The following FRMD6 variants were observed in gnomAD, a reference collection of about 807,000 sequenced individuals.
FRMD6 encodes the protein FERM domain-containing protein 6.
In FRMD6, 37 loss-of-function variants were observed where a neutral mutation model predicts 73.2. The observed-to-expected ratio is 0.51, with a 90% CI of 0.39 to 0.66. The LOEUF is 0.66. Among genes scored for constraint, FRMD6 ranks in the 30% least tolerant of loss-of-function variants. FRMD6 has a pLI of 0.00. For synonymous variants in FRMD6, 273 were observed against 282.2 expected (o/e 0.97, Z 0.33); for missense variants, 714 against 780.5 (o/e 0.91, Z 1.02).
intron 1 of FRMD6, among the ~76,000 whole-genome samples, chr14:51,549,664 C>G (rs1886689239): frequency 7.7e-6 from 1 of 129,590 alleles, no homozygotes; most frequent in Non-Finnish European, 1.6e-5. Flanking sequence ...GGCGCACTCT[C>G]AGCTCACTGC....
At chr14:51,531,666 C>T (rs570447402) in intron 1 of FRMD6, among the ~76,000 whole-genome samples, 31 of 152,286 alleles carry the variant, frequency 2.0e-4, no homozygotes, top group Non-Finnish European at 4.0e-4. Context: ...ATATTCTTCC[C>T]GTACTCAACA....
chr14:51,537,808 CT>C (rs1210095029), intron 1 of FRMD6, among the ~76,000 whole-genome samples: 1 of 152,144 alleles, frequency 6.6e-6, no homozygotes, highest in African/African-American at 2.4e-5. Context: ...TGTACATCTT[CT>C]TTGGTGTGGT....
At chr14:51,583,352 A>G (rs1194127406) in intron 2 of FRMD6, among the ~76,000 whole-genome samples, 1 of 152,206 alleles carries the variant, frequency 6.6e-6, no homozygotes, top group Non-Finnish European at 1.5e-5. Flanking sequence ...AATGCTTTGA[A>G]TTCCCTTGCC....
At chr14:51,516,687 C>T (rs969722029) in intron 1 of FRMD6, among the ~76,000 whole-genome samples, 1 of 152,060 alleles carries the variant, frequency 6.6e-6, no homozygotes, top group Non-Finnish European at 1.5e-5. Flanking sequence ...CTCAAATAAA[C>T]GTAAAAAGCT....
intron 1 of FRMD6, among the ~76,000 whole-genome samples, chr14:51,515,914 C>T (rs568508760): frequency 6.6e-6 from 1 of 152,156 alleles, no homozygotes; most frequent in Non-Finnish European, 1.5e-5. Context: ...TTTAGAAAAG[C>T]AGGGCTTTAA....
At chr14:51,483,927 G>C in the FRMD6 span, among the ~76,000 whole-genome samples, 1 of 152,116 alleles carries the variant, frequency 6.6e-6, no homozygotes, top group Non-Finnish European at 1.5e-5. Flanking sequence ...TAAAACTGAG[G>C]CTTGCAGAGA....
At chr14:51,420,280 T>C in the FRMD6 span, among the ~76,000 whole-genome samples, 2 of 152,198 alleles carry the variant, frequency 1.3e-5, no homozygotes, top group Non-Finnish European at 2.9e-5. Context: ...TATGAACTAA[T>C]GCAAGACGTG....
intron 2 of FRMD6, among the ~76,000 whole-genome samples, chr14:51,695,075 C>T (rs1020923034): frequency 6.7e-6 from 1 of 150,254 alleles, no homozygotes; most frequent in Non-Finnish European, 1.5e-5. Flanking sequence ...TCTACAGTCA[C>T]ACGAGCCTAA....
chr14:51,542,684 GA>G (rs1886264443), intron 1 of FRMD6, among the ~76,000 whole-genome samples: 1 of 152,008 alleles, frequency 6.6e-6, no homozygotes, highest in Admixed American at 6.6e-5. Flanking sequence ...CCTTATTAAA[GA>G]AATGCCAAAC....
the FRMD6 span, among the ~76,000 whole-genome samples, chr14:51,455,807 A>G: frequency 6.6e-5 from 10 of 152,206 alleles, no homozygotes; most frequent in African/African-American, 1.2e-4. Flanking sequence ...AGGGAGAGGT[A>G]AGGGAATTGG....
intron 2 of FRMD6, among the ~76,000 whole-genome samples, chr14:51,591,398 T>C (rs1180514231): frequency 6.6e-6 from 1 of 152,112 alleles, no homozygotes; most frequent in East Asian, 1.9e-4. Flanking sequence ...AGTATGACAA[T>C]TTGCAAAAAA....
the FRMD6 span, among the ~76,000 whole-genome samples, chr14:51,469,532 G>A: frequency 4.1e-5 from 6 of 146,546 alleles, no homozygotes; most frequent in Admixed American, 6.9e-5. Context: ...AGAATGGCGT[G>A]AACCCGGGAG....
intron 10 of FRMD6, among the ~76,000 whole-genome samples, chr14:51,718,321 A>C (rs1029356121): frequency 6.6e-6 from 1 of 152,212 alleles, no homozygotes; most frequent in Non-Finnish European, 1.5e-5. Flanking sequence ...ATACTAGTGA[A>C]TATAGAGGAA....
chr14:51,429,250 T>C, the FRMD6 span, among the ~76,000 whole-genome samples: 1 of 152,190 alleles, frequency 6.6e-6, no homozygotes, highest in Non-Finnish European at 1.5e-5. Context: ...GGTTAAGACT[T>C]GCTCCAATTC....
In FRMD6 at chr14:51,723,585, A is replaced by T. The variant is rs1438889757; in HGVS notation, c.1492+1505A>T. ...CACCTGAGGTCAGGAGTTGGAGATC[A>T]GCCTGGCCAACGTGGTGAAACCCCA... On this transcript the variant is annotated intron_variant, in intron 12 of 13. Transcript: ENST00000344768. Among the ~76,000 whole-genome samples, 3 of 152,212 alleles carry T rather than the reference A, an allele frequency of 2.0e-5. No homozygotes were observed. The East Asian group carries it at 5.8e-4, about 29-fold the overall frequency.
intron 1 of FRMD6, among the ~76,000 whole-genome samples, chr14:51,652,969 G>GTAGT (rs1892536726): frequency 6.6e-6 from 1 of 152,250 alleles, no homozygotes; most frequent in Admixed American, 6.5e-5. Flanking sequence ...TTCAGGCCGT[G>GTAGT]TAGTTGTGTA....
chr14:51,700,024 C>T (rs10131230), intron 3 of FRMD6, among the ~76,000 whole-genome samples: 42,123 of 151,654 alleles, frequency 0.28, 6,142 homozygotes, highest in African/African-American at 0.36. Flanking sequence ...AGTAACTTTA[C>T]CCTTCCTATT....
chr14:51,474,178 C>T, the FRMD6 span, among the ~76,000 whole-genome samples: 5 of 152,264 alleles, frequency 3.3e-5, no homozygotes, highest in African/African-American at 4.8e-5. Flanking sequence ...GGATTTTAAC[C>T]GTGTGTACAG....
At chr14:51,721,716 A>AGGGAAGG in intron 11 of FRMD6, among the ~76,000 whole-genome samples, 1 of 114,896 alleles carries the variant, frequency 8.7e-6, no homozygotes, top group Non-Finnish European at 1.9e-5. Context: ...GGAAGGAAGG[A>AGGGAAGG]AGGGAGGGAG....
Sources: allele counts gnomAD v4.1 joint callset (sites outside exome capture counted in the v4.1 genomes callset), GRCh38; gene constraint gnomAD v4.1.1; transcripts MANE v1.5; gene names NCBI Gene and HGNC (gene_info 2026-07-23, HGNC 2026-07-21).